RNF144A: variants seen among roughly 807,000 people sequenced by gnomAD.
The protein encoded by RNF144A is E3 ubiquitin-protein ligase RNF144A.
RNF144A carries 11 observed loss-of-function variants against 38.7 expected under a neutral mutation model. The ratio of observed to expected loss-of-function variants is 0.28; its 90% CI spans 0.18 to 0.47. RNF144A has a LOEUF of 0.47. RNF144A is among the 20% of genes least tolerant of loss of function. The pLI is 0.99. For missense variants in RNF144A, 316 were observed against 377.2 expected (o/e 0.84, Z 1.34); for synonymous variants, 149 against 143.9 (o/e 1.04, Z -0.25).
the RNF144A span, among the ~76,000 whole-genome samples, chr2:7,075,927 A>G: frequency 6.6e-6 from 1 of 152,154 alleles, no homozygotes; most frequent in Non-Finnish European, 1.5e-5. Context: ...CACCCTGTAA[A>G]ATGTGTTTCT....
chr2:7,007,871 A>G (rs1670552794), intron 3 of RNF144A, among the ~76,000 whole-genome samples: 1 of 152,236 alleles, frequency 6.6e-6, no homozygotes, highest in African/African-American at 2.4e-5. Context: ...CTTCTCTTGC[A>G]GCTTGTTTGG....
rs373859187 is a variant in RNF144A at position 6,942,110 on chromosome 2, A to G, written c.-12+963A>G. Among the ~76,000 whole-genome samples the G allele has an allele frequency of 3.3e-5, 5 of 152,338 alleles. No individual in the cohort carries two copies. In the South Asian group the frequency reaches 1.0e-3, roughly 32 times the overall value. On this transcript the variant is annotated intron_variant, in intron 2 of 8. Transcript: ENST00000320892. ...AGAATCCGGGAGACCATCTTGGAGG[A>G]TATTGCAGATGGCAGAGGACAAGGC...
At chr2:6,974,125 G>T (rs928253964) in intron 2 of RNF144A, among the ~76,000 whole-genome samples, 1 of 152,334 alleles carries the variant, frequency 6.6e-6, no homozygotes, top group South Asian at 2.1e-4. Context: ...TTCGCAGCCT[G>T]TAAAGTGGGA....
At position 6,944,196 on chromosome 2, in the gene RNF144A, G is replaced by A. The variant is rs942127403; in HGVS notation, c.-12+3049G>A. ...GCCATTGGAGATGCGGGAGGAGGCC[G>A]GGCACTATGGGCCTGGGGTGATGGA... On this transcript the variant is annotated intron_variant, in intron 2 of 8. Coordinates refer to ENST00000320892, the MANE Select transcript of RNF144A (RefSeq NM_014746.6). This position sits in a 1 kb window ranked among gnomAD's most constrained non-coding sequence, Gnocchi z 4.7. Among the ~76,000 whole-genome samples the A allele has an allele frequency of 2.6e-5, 4 of 152,202 alleles. No homozygotes were observed. The highest frequency in any genetic ancestry group is 4.8e-5 in the African/African-American group (2 of 41,516).
chr2:6,950,861 G>T (rs1042155027), intron 2 of RNF144A, among the ~76,000 whole-genome samples: 4 of 151,970 alleles, frequency 2.6e-5, no homozygotes, highest in African/African-American at 7.2e-5. Flanking sequence ...TTTTTTATTG[G>T]ATTGTATTTT....
chr2:6,952,377 G>T (rs1572254232), intron 2 of RNF144A, among the ~76,000 whole-genome samples: 1 of 126,252 alleles, frequency 7.9e-6, no homozygotes, highest in Admixed American at 8.9e-5. Flanking sequence ...GCTTTTGTCT[G>T]ATTGAAGAGG....
Position 6,941,368 on chromosome 2 carries a change from T to C in RNF144A, c.-12+221T>C, listed in dbSNP as rs529544155. 1.3e-5 allele frequency among the ~76,000 whole-genome samples: 2 copies of C among 152,268 alleles called. No individual in the cohort carries two copies. The highest frequency in any genetic ancestry group is 2.4e-5 in the African/African-American group (1 of 41,478). On this transcript the variant is annotated intron_variant, in intron 2 of 8. Transcript: ENST00000320892. This position sits in a 1 kb window ranked among gnomAD's most constrained non-coding sequence, Gnocchi z 6.5. Reference sequence around the variant, plus strand: ...TATGCCATCATAGTTGTTTATACTTTGGAAAGATTTCCAGGTTTATTCATT... The same window carrying C: ...TATGCCATCATAGTTGTTTATACTTCGGAAAGATTTCCAGGTTTATTCATT...
At chr2:6,991,807 ATC>A (rs1198847004) in intron 2 of RNF144A, among the ~76,000 whole-genome samples, 3 of 152,126 alleles carry the variant, frequency 2.0e-5, no homozygotes, top group African/African-American at 7.2e-5. Context: ...ATACATATAT[ATC>A]TCTCTCATAA....
intron 2 of RNF144A, among the ~76,000 whole-genome samples, chr2:6,945,891 G>A (rs1460334818): frequency 1.3e-5 from 2 of 152,178 alleles, no homozygotes; most frequent in Non-Finnish European, 2.9e-5. Flanking sequence ...AGGAGAACCT[G>A]GGCCCTGGAA....
chr2:6,987,438 C>CTTAA (rs1669032344), intron 2 of RNF144A, among the ~76,000 whole-genome samples: 1 of 152,132 alleles, frequency 6.6e-6, no homozygotes, highest in African/African-American at 2.4e-5. Context: ...GACATACAGA[C>CTTAA]TTAAGAATGC....
chr2:6,951,895 C>A (rs1240581115), intron 2 of RNF144A, among the ~76,000 whole-genome samples: 3 of 151,930 alleles, frequency 2.0e-5, no homozygotes, highest in Admixed American at 6.6e-5. Context: ...CTTATAGTTT[C>A]TCTTTCTTGT....
intron 2 of RNF144A, among the ~76,000 whole-genome samples, chr2:6,949,798 AG>A: frequency 6.6e-6 from 1 of 152,246 alleles, no homozygotes; most frequent in Admixed American, 6.5e-5. Flanking sequence ...AAGTTCTCTA[AG>A]GAATTACTTA....
At chr2:7,046,740 G>A (rs1055947886), downstream of RNF144A, among the ~76,000 whole-genome samples, 4 of 152,156 alleles carry the variant, frequency 2.6e-5, no homozygotes, top group Admixed American at 1.3e-4. Context: ...GGAAGTGGTT[G>A]TGCGTACAGC....
At chr2:6,938,097 G>A (rs1489722811) in intron 1 of RNF144A, among the ~76,000 whole-genome samples, 2 of 152,146 alleles carry the variant, frequency 1.3e-5, no homozygotes, top group African/African-American at 4.8e-5. Context: ...GTTAAGCAGA[G>A]TTTACATGTA....
intron 1 of RNF144A, among the ~76,000 whole-genome samples, chr2:6,922,605 C>T (rs1439916848): frequency 3.3e-5 from 5 of 151,414 alleles, no homozygotes; most frequent in East Asian, 3.9e-4. Context: ...AGAGGGGACC[C>T]GCCCGGTTTT....
rs116045843 is a variant in RNF144A at position 6,943,047 on chromosome 2, A to G, written c.-12+1900A>G. On this transcript the variant is annotated intron_variant, in intron 2 of 8. Transcript: ENST00000320892. The surrounding 1 kb of genome is among the most constrained non-coding windows in gnomAD (Gnocchi z 4.3). ...GCTGAGTGTGAGAAGATTATAAGCC[A>G]CCCACATGGAGACACCGAGTGGGTG... Among the ~76,000 whole-genome samples, 1,542 of 152,286 alleles carry G rather than the reference A, an allele frequency of 0.01. 12 individuals are homozygous for G. Among genetic ancestry groups the G allele is most frequent in the Non-Finnish European group, 0.016 (1,095 of 68,006 alleles).
downstream of RNF144A, among the ~76,000 whole-genome samples, chr2:7,046,892 C>T (rs1673329832): frequency 6.6e-6 from 1 of 152,128 alleles, no homozygotes; most frequent in South Asian, 2.1e-4. Context: ...CTTATTTTTT[C>T]TCACTGACTT....
At chr2:7,070,028 C>A (rs549455884), downstream of RNF144A, among the ~76,000 whole-genome samples, 4 of 152,306 alleles carry the variant, frequency 2.6e-5, no homozygotes, top group Non-Finnish European at 4.4e-5. Context: ...TGAGAAGGTT[C>A]ACAGTGTCTT....
In RNF144A at chr2:7,024,591, G is replaced by A. The variant is rs565630090; in HGVS notation, c.657+75G>A. 2.6e-5 allele frequency: 40 copies of A among 1,525,558 alleles called. No individual in the cohort carries two copies. The African/African-American group carries it at 4.9e-4, about 19-fold the overall frequency. The allele number at this position is 1,525,558 out of a possible 1,614,324, so 94.5% of individuals were successfully genotyped here. On this transcript the variant is annotated intron_variant, in intron 7 of 8. Coordinates refer to ENST00000320892, the MANE Select transcript of RNF144A (RefSeq NM_014746.6). Reference sequence around the variant, plus strand: ...GATTTGGAATGAGAAAAATAGACCAGCTGTTTCCTAAAGAGCTTGGTGCCT... The same window carrying A: ...GATTTGGAATGAGAAAAATAGACCAACTGTTTCCTAAAGAGCTTGGTGCCT...
Sources: allele counts gnomAD v4.1 joint callset (sites outside exome capture counted in the v4.1 genomes callset), GRCh38; gene constraint gnomAD v4.1.1; non-coding constraint Gnocchi (gnomAD v3.1); transcripts MANE v1.5; gene names NCBI Gene and HGNC (gene_info 2026-07-23, HGNC 2026-07-21).